The following EXOC6B variants were observed in gnomAD, a reference collection of about 807,000 sequenced individuals.
EXOC6B encodes SEC15 homolog B.
In EXOC6B, 54 loss-of-function variants were observed where a neutral mutation model predicts 113.5. That is an observed-to-expected ratio of 0.48 (90% confidence interval 0.38 to 0.60). EXOC6B has a LOEUF of 0.60. Among genes scored for constraint, EXOC6B ranks in the 20% least tolerant of loss-of-function variants. The probability of loss-of-function intolerance (pLI) is 0.00; values close to 1 mark genes in which losing one functional copy is unlikely to be tolerated. For missense variants in EXOC6B, 797 were observed against 977.5 expected (o/e 0.82, Z 2.46); for synonymous variants, 357 against 339.0 (o/e 1.05, Z -0.58).
At chr2:72,659,587 T>TG (rs892079136) in intron 6 of EXOC6B, among the ~76,000 whole-genome samples, 1 of 152,248 alleles carries the variant, frequency 6.6e-6, no homozygotes, top group Admixed American at 6.5e-5. Context: ...TTGTTTTGAT[T>TG]GGGGTTTTTT....
At chr2:72,298,042 T>G (rs111530767) in intron 20 of EXOC6B, among the ~76,000 whole-genome samples, 1 of 152,196 alleles carries the variant, frequency 6.6e-6, no homozygotes, top group African/African-American at 2.4e-5. Context: ...CTGAATATCC[T>G]TGTTAATTTT....
At chr2:72,557,238 G>T (rs1703599553) in intron 8 of EXOC6B, among the ~76,000 whole-genome samples, 2 of 122,088 alleles carry the variant, frequency 1.6e-5, no homozygotes, top group Admixed American at 1.1e-4. Context: ...AGACAACTGG[G>T]CTTGTAAACA....
At chr2:72,583,211 ACAAC>A (rs565249551) in intron 6 of EXOC6B, among the ~76,000 whole-genome samples, 6 of 152,320 alleles carry the variant, frequency 3.9e-5, no homozygotes, top group African/African-American at 1.4e-4. Context: ...ATTATGTAAA[ACAAC>A]CAAACCTATG....
intron 20 of EXOC6B, among the ~76,000 whole-genome samples, chr2:72,250,476 G>A (rs1682942016): frequency 6.6e-6 from 1 of 151,986 alleles, no homozygotes; most frequent in African/African-American, 2.4e-5. Flanking sequence ...CTGAGTAGCT[G>A]GGACTACAGG....
chr2:72,678,334 G>A (rs1238381492), intron 6 of EXOC6B, among the ~76,000 whole-genome samples: 2 of 152,304 alleles, frequency 1.3e-5, no homozygotes, highest in Non-Finnish European at 2.9e-5. Flanking sequence ...TGCCACTAGT[G>A]TACAATCTGA....
intron 18 of EXOC6B, among the ~76,000 whole-genome samples, chr2:72,427,698 C>A (rs4507127): frequency 0.2 from 30,369 of 152,108 alleles, 5,590 homozygotes; most frequent in African/African-American, 0.49. Context: ...TGGTCGGCAG[C>A]AGGGGGCAGA....
At chr2:72,374,942 T>G (rs1194289380) in intron 19 of EXOC6B, among the ~76,000 whole-genome samples, 1 of 151,916 alleles carries the variant, frequency 6.6e-6, no homozygotes, top group African/African-American at 2.4e-5. Context: ...ACTTCATATT[T>G]TTTTAAAAAA....
At chr2:72,307,324 T>C (rs1301025957) in intron 20 of EXOC6B, among the ~76,000 whole-genome samples, 3 of 152,032 alleles carry the variant, frequency 2.0e-5, no homozygotes, top group Non-Finnish European at 4.4e-5. Context: ...TTCTTTTGTA[T>C]TTTAATGGAG....
chr2:72,406,335 G>A (rs1293407555), intron 18 of EXOC6B, among the ~76,000 whole-genome samples: 3 of 152,056 alleles, frequency 2.0e-5, no homozygotes, highest in Non-Finnish European at 4.4e-5. Flanking sequence ...ATTGAACTCA[G>A]CTCTGCACCA....
intron 6 of EXOC6B, among the ~76,000 whole-genome samples, chr2:72,592,417 A>G (rs1706030485): frequency 6.6e-6 from 1 of 152,158 alleles, no homozygotes; most frequent in South Asian, 2.1e-4. Flanking sequence ...CTTGAACTCT[A>G]TGACAAGGGT....
chr2:72,720,195 T>C (rs1266241528), intron 5 of EXOC6B, among the ~76,000 whole-genome samples: 4 of 151,206 alleles, frequency 2.6e-5, no homozygotes, highest in African/African-American at 9.7e-5. Context: ...ACTAAAAATA[T>C]ATAACACAAA....
chr2:72,549,896 T>C (rs995364682), intron 8 of EXOC6B, among the ~76,000 whole-genome samples: 1 of 152,010 alleles, frequency 6.6e-6, no homozygotes. Flanking sequence ...AAACATACTG[T>C]AAAAGAAGAC....
chr2:72,190,652 C>T (rs1454473838), intron 20 of EXOC6B, among the ~76,000 whole-genome samples: 2 of 152,116 alleles, frequency 1.3e-5, no homozygotes, highest in African/African-American at 4.8e-5. Flanking sequence ...TGAGCAGAAA[C>T]ATATGTATTT....
intron 8 of EXOC6B, among the ~76,000 whole-genome samples, chr2:72,525,174 CT>C (rs1451484074): frequency 6.6e-6 from 1 of 152,178 alleles, no homozygotes; most frequent in Non-Finnish European, 1.5e-5. Flanking sequence ...TGAGTCTGTG[CT>C]TTTGAAGAAA....
At chr2:72,449,887 G>T (rs1176887072) in intron 18 of EXOC6B, among the ~76,000 whole-genome samples, 1 of 152,136 alleles carries the variant, frequency 6.6e-6, no homozygotes, top group African/African-American at 2.4e-5. Context: ...CCATCCCAGA[G>T]AATCAGCTAT....
chr2:72,586,647 AAG>A (rs1705597543), intron 6 of EXOC6B, among the ~76,000 whole-genome samples: 1 of 152,024 alleles, frequency 6.6e-6, no homozygotes, highest in South Asian at 2.1e-4. Flanking sequence ...AGCTACTTGG[AAG>A]GCTGAGGCAG....
intron 7 of EXOC6B, among the ~76,000 whole-genome samples, chr2:72,569,326 C>G (rs1461989733): frequency 2.1e-5 from 2 of 93,154 alleles, no homozygotes; most frequent in African/African-American, 5.0e-5. Context: ...TTTTACAAAG[C>G]ACAACATTAT....
At chr2:72,319,357 C>A (rs965587572) in intron 20 of EXOC6B, among the ~76,000 whole-genome samples, 1 of 152,216 alleles carries the variant, frequency 6.6e-6, no homozygotes, top group East Asian at 1.9e-4. Flanking sequence ...GCAATGATAC[C>A]TGCTCTCAGC....
chr2:72,279,944 A>C (rs887932060), intron 20 of EXOC6B, among the ~76,000 whole-genome samples: 5 of 152,084 alleles, frequency 3.3e-5, no homozygotes, highest in Non-Finnish European at 5.9e-5. Context: ...ACTTTTTTAA[A>C]GGTACTGAGC....
Sources: gnomAD v4.1 joint callset for allele counts (sites outside exome capture counted in the v4.1 genomes callset) on GRCh38, gnomAD v4.1.1 for gene constraint, MANE v1.5 for transcripts, NCBI Gene and HGNC (gene_info 2026-07-23, HGNC 2026-07-21) for gene names.